Variants in MACROD2 observed in about 807,000 individuals in gnomAD.
MACROD2 encodes the protein mono-ADP ribosylhydrolase 2, also known as ADP-ribose glycohydrolase MACROD2.
In MACROD2, 36 loss-of-function variants were observed where a neutral mutation model predicts 70.4. The ratio of observed to expected loss-of-function variants is 0.51; its 90% CI spans 0.39 to 0.68. The LOEUF is 0.68. MACROD2 is among the 30% of genes least tolerant of loss of function. The pLI, the probability that MACROD2 is intolerant of heterozygous loss-of-function variation, is 0.00. For missense variants in MACROD2, 496 were observed against 538.4 expected (o/e 0.92, Z 0.78); for synonymous variants, 172 against 178.8 (o/e 0.96, Z 0.30).
rs984039449 is a variant in MACROD2, at chr20:15,797,154, C to T, written c.646-65591C>T. Among the ~76,000 whole-genome samples the T allele has an allele frequency of 3.9e-5, 6 of 152,224 alleles. No individual in the cohort carries two copies. The East Asian group carries it at 1.2e-3, about 29-fold the overall frequency. ...TTTGAGATGGAGTCTCGCTCTGTTGCCCAGGCTGGAGTGCAGTGGCGTGAT... is the reference window on the plus strand; with the variant it reads ...TTTGAGATGGAGTCTCGCTCTGTTGTCCAGGCTGGAGTGCAGTGGCGTGAT... On this transcript the variant is annotated intron_variant, in intron 8 of 17. Transcript: ENST00000684519.
At chr20:15,841,946 G>A (rs1202481941) in intron 8 of MACROD2, among the ~76,000 whole-genome samples, 1 of 152,122 alleles carries the variant, frequency 6.6e-6, no homozygotes, top group Non-Finnish European at 1.5e-5. Context: ...AATTCAAGGG[G>A]TAGAAAATAG....
rs187005516 is a variant in MACROD2, at chr20:14,059,190, C to T, written c.164-26431C>T. Among the ~76,000 whole-genome samples, 313 of 152,216 alleles carry T rather than the reference C, an allele frequency of 2.1e-3. 1 individual carries two copies. The highest frequency in any genetic ancestry group is 7.2e-3 in the African/African-American group (301 of 41,524). On this transcript the variant is annotated intron_variant, in intron 2 of 17. Transcript: ENST00000684519. Reference sequence around the variant, plus strand: ...CTTCTCCCATTCTTTTTCCTCTCACCTCTGTCTTTTTAATGATGTAGTTCG... The same window carrying T: ...CTTCTCCCATTCTTTTTCCTCTCACTTCTGTCTTTTTAATGATGTAGTTCG...
chr20:15,891,155 T>C, intron 10 of MACROD2, among the ~76,000 whole-genome samples: 1 of 151,984 alleles, frequency 6.6e-6, no homozygotes, highest in East Asian at 1.9e-4. Flanking sequence ...TTCTAGGGAG[T>C]TGAATTTGAT....
chr20:14,006,612 T>G (rs2052825878), intron 2 of MACROD2, among the ~76,000 whole-genome samples: 1 of 152,220 alleles, frequency 6.6e-6, no homozygotes, highest in Non-Finnish European at 1.5e-5. Flanking sequence ...GGATTTTTTC[T>G]TTTACAATTG....
Position 14,085,732 on chromosome 20 carries a change from A to G in MACROD2, c.271+4A>G. 3 of 1,473,310 alleles carry G rather than the reference A, an allele frequency of 2.0e-6. No homozygotes were observed. The highest frequency in any genetic ancestry group is 2.7e-6 in the Non-Finnish European group (3 of 1,101,912). 91.3% of individuals were successfully genotyped at this position (1,473,310 alleles called of 1,614,324 possible). A position where few individuals can be genotyped will look rare whatever the true frequency, so the allele number is the denominator to read the frequency against. ...GTAGATGCTATAGTCAATGCCGGTG[A>G]GTAGTTGATTTTCCTGTGATGTGTT... On this transcript the variant is annotated splice_donor_region_variant and intron_variant, in intron 3 of 17. Transcript: ENST00000684519.
At chr20:16,027,557 A>G (rs1250442791) in intron 15 of MACROD2, among the ~76,000 whole-genome samples, 1 of 152,208 alleles carries the variant, frequency 6.6e-6, no homozygotes, top group Non-Finnish European at 1.5e-5. Context: ...ATGAAGTTTC[A>G]AAGAATTCAG....
chr20:14,858,227 T>C (rs1359546319), intron 5 of MACROD2, among the ~76,000 whole-genome samples: 1 of 152,094 alleles, frequency 6.6e-6, no homozygotes, highest in Non-Finnish European at 1.5e-5. Context: ...TTGGCACCTA[T>C]AGCAAGGTGA....
At chr20:15,676,123 A>G (rs1028640836) in intron 8 of MACROD2, among the ~76,000 whole-genome samples, 16 of 152,142 alleles carry the variant, frequency 1.1e-4, no homozygotes, top group African/African-American at 3.6e-4. Flanking sequence ...AAAATTCAAG[A>G]TTCTATTTTT....
chr20:14,274,643 T>C (rs944218892), intron 3 of MACROD2, among the ~76,000 whole-genome samples: 2 of 152,026 alleles, frequency 1.3e-5, no homozygotes, highest in South Asian at 2.1e-4. Flanking sequence ...GAAGTTCTGG[T>C]CAGGGCAATC....
intron 2 of MACROD2, among the ~76,000 whole-genome samples, chr20:14,064,639 G>A (rs1264659893): frequency 6.6e-6 from 1 of 152,158 alleles, no homozygotes; most frequent in East Asian, 1.9e-4. Context: ...CACAGTCTTA[G>A]TTCAGGCGAA....
chr20:14,530,418 C>G (rs1002466019), intron 4 of MACROD2, among the ~76,000 whole-genome samples: 2 of 152,136 alleles, frequency 1.3e-5, no homozygotes, highest in Non-Finnish European at 2.9e-5. Context: ...GAAAGAAGCA[C>G]TTTCATATTT....
chr20:15,029,953 G>A (rs1161294408), intron 5 of MACROD2, among the ~76,000 whole-genome samples: 1 of 151,836 alleles, frequency 6.6e-6, no homozygotes, highest in Non-Finnish European at 1.5e-5. Flanking sequence ...AGCTGGGTGT[G>A]ATGGTGCCTG....
intron 8 of MACROD2, among the ~76,000 whole-genome samples, chr20:15,513,837 C>T (rs1023575076): frequency 5.3e-5 from 8 of 152,130 alleles, no homozygotes; most frequent in African/African-American, 1.9e-4. Flanking sequence ...CACATAATGA[C>T]ATTTTTTGTC....
intron 4 of MACROD2, chr20:14,622,808 G>A: frequency 6.6e-6 from 1 of 152,168 alleles, no homozygotes; most frequent in Admixed American, 6.6e-5. Flanking sequence ...CCAGAGAAGA[G>A]GTAATGGCAG....
At chr20:14,334,112 A>C (rs2082893350) in intron 3 of MACROD2, among the ~76,000 whole-genome samples, 1 of 152,200 alleles carries the variant, frequency 6.6e-6, no homozygotes, top group South Asian at 2.1e-4. Context: ...AAACAAATGA[A>C]ATTTTAGCTT....
At chr20:15,784,705 A>C (rs1600887406) in intron 8 of MACROD2, among the ~76,000 whole-genome samples, 1 of 152,310 alleles carries the variant, frequency 6.6e-6, no homozygotes, top group East Asian at 1.9e-4. Flanking sequence ...GGATAGACAT[A>C]TGATTAAAAC....
chr20:14,814,523 TA>T (rs1174020434), intron 5 of MACROD2, among the ~76,000 whole-genome samples: 1 of 151,998 alleles, frequency 6.6e-6, no homozygotes, highest in Admixed American at 6.6e-5. Context: ...TGGAAGACAC[TA>T]AAAAAATTAA....
intron 8 of MACROD2, among the ~76,000 whole-genome samples, chr20:15,618,856 G>C (rs200751): frequency 0.1 from 15,501 of 152,222 alleles, 868 homozygotes; most frequent in Non-Finnish European, 0.11. Flanking sequence ...GCTGTGCGGA[G>C]ACAGGAGTTT....
intron 8 of MACROD2, among the ~76,000 whole-genome samples, chr20:15,719,643 T>C (rs1456132995): frequency 6.6e-6 from 1 of 152,184 alleles, no homozygotes; most frequent in Non-Finnish European, 1.5e-5. Context: ...CTTTCTTTTA[T>C]TTTTAAATTT....
Sources: gnomAD v4.1 joint callset for allele counts (sites outside exome capture counted in the v4.1 genomes callset) on GRCh38, gnomAD v4.1.1 for gene constraint, MANE v1.5 for transcripts, NCBI Gene and HGNC (gene_info 2026-07-23, HGNC 2026-07-21) for gene names.